Variants in DGKB observed in about 807,000 individuals in gnomAD.
The protein encoded by DGKB is 90 kDa diacylglycerol kinase.
A neutral mutation model predicts 114.3 loss-of-function variants in DGKB; 67 were observed. The ratio of observed to expected loss-of-function variants is 0.59; its 90% CI spans 0.48 to 0.72. DGKB has a LOEUF of 0.72. DGKB is among the 30% of genes least tolerant of loss of function. DGKB has a pLI of 0.00. For missense variants in DGKB, 907 were observed against 975.2 expected (o/e 0.93, Z 0.93); for synonymous variants, 398 against 323.1 (o/e 1.23, Z -2.49).
intron 24 of DGKB, among the ~76,000 whole-genome samples, chr7:14,177,709 G>C (rs1212400374): frequency 6.6e-6 from 1 of 151,914 alleles, no homozygotes; most frequent in Non-Finnish European, 1.5e-5. Context: ...TGTTTTCATA[G>C]ATAATTTGCC....
intron 2 of DGKB, among the ~76,000 whole-genome samples, chr7:14,801,208 C>T (rs1363962606): frequency 3.9e-5 from 6 of 152,162 alleles, no homozygotes; most frequent in South Asian, 2.1e-4. Context: ...CATCACTCCA[C>T]GAACTTTACT....
chr7:14,163,819 G>A (rs1784248120), intron 25 of DGKB, among the ~76,000 whole-genome samples: 2 of 151,930 alleles, frequency 1.3e-5, no homozygotes, highest in Non-Finnish European at 2.9e-5. Context: ...ATATGGTGAA[G>A]CCCTGTCTCT....
At chr7:14,159,818 G>A (rs1053802751) in intron 25 of DGKB, among the ~76,000 whole-genome samples, 10 of 151,942 alleles carry the variant, frequency 6.6e-5, no homozygotes, top group South Asian at 2.1e-4. Flanking sequence ...AATTATAGGC[G>A]TCCACCACCA....
intron 20 of DGKB, among the ~76,000 whole-genome samples, chr7:14,515,948 G>C (rs1051363206): frequency 6.6e-6 from 1 of 152,050 alleles, no homozygotes; most frequent in East Asian, 1.9e-4. Flanking sequence ...AAGCTCAAGC[G>C]ATCCTCCTGC....
chr7:14,159,381 C>T (rs1379693616), intron 25 of DGKB, among the ~76,000 whole-genome samples: 1 of 152,108 alleles, frequency 6.6e-6, no homozygotes. Flanking sequence ...ACAACAAGAT[C>T]AAACACCTCT....
chr7:14,746,035 T>C (rs1218792578), intron 4 of DGKB, among the ~76,000 whole-genome samples: 2 of 152,176 alleles, frequency 1.3e-5, no homozygotes, highest in African/African-American at 4.8e-5. Flanking sequence ...ATTCCCTCTA[T>C]ATAAAGTGGT....
At chr7:14,814,376 A>T (rs1479946323) in intron 2 of DGKB, among the ~76,000 whole-genome samples, 1 of 152,096 alleles carries the variant, frequency 6.6e-6, no homozygotes, top group African/African-American at 2.4e-5. Flanking sequence ...AAATGATAAC[A>T]CTGAGCTGTT....
rs544412548 is a variant in DGKB, at chr7:14,742,746, G to C, written c.169-6552C>G. ...ACATTAAAGTTTAAAATTGCTAAGA[G>C]TTACCATTATAACATGTAATTGAGA... is the stretch of plus-strand genomic sequence containing the variant. On this transcript the variant is annotated intron_variant, in intron 4 of 25. Coordinates refer to ENST00000402815, the MANE Select transcript of DGKB (RefSeq NM_001350709.2). 2.2e-4 allele frequency among the ~76,000 whole-genome samples: 34 copies of C among 152,268 alleles called. No homozygotes were observed. In the South Asian group the frequency reaches 7.0e-3, roughly 32 times the overall value.
intron 13 of DGKB, among the ~76,000 whole-genome samples, chr7:14,643,454 C>G (rs1455688388): frequency 6.6e-6 from 1 of 152,194 alleles, no homozygotes; most frequent in African/African-American, 2.4e-5. Context: ...AGAATACATT[C>G]TGACTTGGGC....
chr7:14,656,101 T>G (rs1815727903), intron 13 of DGKB, among the ~76,000 whole-genome samples: 1 of 151,672 alleles, frequency 6.6e-6, no homozygotes, highest in Non-Finnish European at 1.5e-5. Flanking sequence ...ATTTAATCAC[T>G]GCATATTTCA....
chr7:14,649,179 A>G lies in DGKB; in HGVS notation c.1135-18911T>C, dbSNP rs1274929497. 4.2e-5 allele frequency among the ~76,000 whole-genome samples: 6 copies of G among 143,814 alleles called. No homozygotes were observed. In the East Asian group the frequency reaches 1.2e-3, roughly 30 times the overall value. 94.3% of individuals were successfully genotyped at this position (143,814 alleles called of 152,430 possible). On this transcript the variant is annotated intron_variant, in intron 13 of 25. Transcript: ENST00000402815. ...GATACTCCTCGAGAAGGGCAACTGT[A>G]AGACACATAATTGTCAGATTCACCA... is the stretch of plus-strand genomic sequence containing the variant.
At chr7:14,942,612 C>T (rs539558495) in intron 1 of DGKB, among the ~76,000 whole-genome samples, 1 of 152,100 alleles carries the variant, frequency 6.6e-6, no homozygotes, top group East Asian at 1.9e-4. Context: ...CCATCTACCA[C>T]TCTTCCTCCA....
intron 23 of DGKB, among the ~76,000 whole-genome samples, chr7:14,242,732 T>C (rs1421211475): frequency 6.6e-6 from 1 of 152,118 alleles, no homozygotes; most frequent in Non-Finnish European, 1.5e-5. Flanking sequence ...AGGTCATAGT[T>C]CTTAAATTCA....
chr7:14,418,363 G>A (rs10242246), intron 21 of DGKB, among the ~76,000 whole-genome samples: 10 of 84,676 alleles, frequency 1.2e-4, no homozygotes, highest in Middle Eastern at 6.0e-3. Context: ...ACATATATAT[G>A]TGTGTGTGTA....
intron 2 of DGKB, among the ~76,000 whole-genome samples, chr7:14,822,235 A>T (rs901394609): frequency 2.0e-5 from 3 of 152,138 alleles, no homozygotes; most frequent in African/African-American, 7.2e-5. Flanking sequence ...TTAGAAATAT[A>T]CATTTGGAAG....
intron 23 of DGKB, chr7:14,191,681 G>C (rs1181760120): frequency 3.1e-6 from 1 of 324,768 alleles, no homozygotes; most frequent in African/African-American, 2.2e-5. Flanking sequence ...TCTTCTGGGG[G>C]ACAAAGGGGG....
chr7:14,760,636 T>G (rs564810497), intron 2 of DGKB, among the ~76,000 whole-genome samples: 1 of 152,140 alleles, frequency 6.6e-6, no homozygotes, highest in East Asian at 1.9e-4. Context: ...ATGCATACAT[T>G]CTGGAATATC....
intron 23 of DGKB, among the ~76,000 whole-genome samples, chr7:14,231,112 TTTCTTTCTTTCTTTCTTTCTTTC>T (rs1791727206): frequency 7.6e-6 from 1 of 130,728 alleles, no homozygotes; most frequent in Non-Finnish European, 1.7e-5. Flanking sequence ...TCTTTCTTTC[TTTCTTTCTTTCTTTCTTTCTTTC>T]TTTCTTTCTT....
intron 1 of DGKB, among the ~76,000 whole-genome samples, chr7:14,860,041 C>T (rs747244890): frequency 1.8e-4 from 27 of 151,918 alleles, no homozygotes; most frequent in Admixed American, 3.3e-4. Context: ...GAAAACAAAA[C>T]GACAAAAAGA....
Sources: allele counts gnomAD v4.1 joint callset (sites outside exome capture counted in the v4.1 genomes callset), GRCh38; gene constraint gnomAD v4.1.1; transcripts MANE v1.5; gene names NCBI Gene and HGNC (gene_info 2026-07-23, HGNC 2026-07-21).